Variants in AGTPBP1 observed in about 807,000 individuals in gnomAD.
The protein encoded by AGTPBP1 is ATP/GTP binding carboxypeptidase 1.
Under a neutral mutation model 143.9 loss-of-function variants are expected in AGTPBP1, and 70 were observed. The observed-to-expected ratio is 0.49, with a 90% CI of 0.40 to 0.59. The LOEUF (loss-of-function observed/expected upper bound fraction) is 0.59, where lower values mean the gene tolerates loss of function less well. Among genes scored for constraint, AGTPBP1 ranks in the 20% least tolerant of loss-of-function variants. AGTPBP1 has a pLI of 0.00. For missense variants in AGTPBP1, 1,229 were observed against 1,464.5 expected, an observed-to-expected ratio of 0.84 and a Z score of 2.62; for synonymous variants, 463 against 500.2, an observed-to-expected ratio of 0.93 and a Z score of 0.99.
the AGTPBP1 span, among the ~76,000 whole-genome samples, chr9:85,747,332 T>G: frequency 6.6e-6 from 1 of 152,210 alleles, no homozygotes; most frequent in Non-Finnish European, 1.5e-5. Flanking sequence ...GCTCTTCTTT[T>G]TCAAGATGAT....
intron 6 of AGTPBP1, among the ~76,000 whole-genome samples, chr9:85,676,468 G>A (rs1453751571): frequency 1.3e-5 from 2 of 151,634 alleles, no homozygotes; most frequent in East Asian, 1.9e-4. Flanking sequence ...ATTACTAATC[G>A]TTAGGGAAAT....
chr9:85,709,803 G>A (rs1304196152), intron 2 of AGTPBP1, among the ~76,000 whole-genome samples: 1 of 152,014 alleles, frequency 6.6e-6, no homozygotes, highest in Admixed American at 6.6e-5. Flanking sequence ...AAGATTTAGG[G>A]CATGACCATA....
At chr9:85,673,440 T>C (rs2134088767) in intron 6 of AGTPBP1, among the ~76,000 whole-genome samples, 1 of 152,206 alleles carries the variant, frequency 6.6e-6, no homozygotes, top group South Asian at 2.1e-4. Context: ...TGTAAAAAAA[T>C]AAAAATTCAT....
chr9:85,615,527 TTTACAAA>T (rs1830556910), intron 17 of AGTPBP1, among the ~76,000 whole-genome samples: 1 of 152,102 alleles, frequency 6.6e-6, no homozygotes, highest in South Asian at 2.1e-4. Flanking sequence ...GGAAAGTTTT[TTTACAAA>T]TTATTGTACA....
the AGTPBP1 span, among the ~76,000 whole-genome samples, chr9:85,801,569 GTT>G: frequency 6.6e-6 from 1 of 152,010 alleles, no homozygotes; most frequent in African/African-American, 2.4e-5. Context: ...TCTATGACAA[GTT>G]TTAAAGCACT....
intron 3 of AGTPBP1, among the ~76,000 whole-genome samples, chr9:85,685,638 T>C (rs1471983072): frequency 1.3e-5 from 2 of 152,004 alleles, no homozygotes; most frequent in Non-Finnish European, 2.9e-5. Context: ...CAAAATTCTG[T>C]AGGCTAAAGA....
At chr9:85,741,982 G>A, upstream of AGTPBP1, 1 of 1,226,688 alleles carries the variant, frequency 8.2e-7, no homozygotes, top group South Asian at 3.7e-5. Context: ...CGTCAGCGCG[G>A]CGCCCCGCCC....
At chr9:85,609,945 A>G (rs983761637) in intron 17 of AGTPBP1, among the ~76,000 whole-genome samples, 1 of 152,202 alleles carries the variant, frequency 6.6e-6, no homozygotes, top group Non-Finnish European at 1.5e-5. Flanking sequence ...GAGAAGAAGG[A>G]AATGTAGGAA....
chr9:85,587,301 T>A (rs1313191336), intron 21 of AGTPBP1, among the ~76,000 whole-genome samples: 11 of 152,216 alleles, frequency 7.2e-5, no homozygotes, highest in Non-Finnish European at 1.5e-5. Flanking sequence ...TTTTCCATTC[T>A]GATTACATAA....
chr9:85,790,580 T>C, the AGTPBP1 span, among the ~76,000 whole-genome samples: 1 of 152,214 alleles, frequency 6.6e-6, no homozygotes, highest in Non-Finnish European at 1.5e-5. Flanking sequence ...AAAAAGTTGA[T>C]GTTATAATGA....
the AGTPBP1 span, among the ~76,000 whole-genome samples, chr9:85,759,968 C>T: frequency 6.6e-6 from 1 of 152,062 alleles, no homozygotes; most frequent in African/African-American, 2.4e-5. Flanking sequence ...ATACAAACTA[C>T]CATCAGAGAA....
upstream of AGTPBP1, chr9:85,742,032 A>G: frequency 5.9e-6 from 7 of 1,193,672 alleles, no homozygotes; most frequent in African/African-American, 1.6e-5. Context: ...ACGCGCAGGG[A>G]GTGGGGGCGG....
chr9:85,645,778 A>G (rs1050963546), intron 12 of AGTPBP1, among the ~76,000 whole-genome samples: 1 of 152,172 alleles, frequency 6.6e-6, no homozygotes, highest in Non-Finnish European at 1.5e-5. Flanking sequence ...AGGCTTCCAG[A>G]GGTACAATGA....
In AGTPBP1 at chr9:85,547,299, C is replaced by G. The variant is rs1221909788; in HGVS notation, c.3504-13G>C. 6.2e-7 allele frequency: 1 copy of G among 1,601,372 alleles called. No individual in the cohort carries two copies. The highest frequency in any genetic ancestry group is 8.5e-7 in the Non-Finnish European group (1 of 1,174,506). ...ATAAGTGGTAGGGCTGCAGCCAAAA[C>G]ACACAGAACATACAAGACTTTGTGA... On this transcript the variant is annotated splice_polypyrimidine_tract_variant and intron_variant, in intron 25 of 25. Coordinates refer to ENST00000357081, the MANE Select transcript of AGTPBP1 (RefSeq NM_001330701.2).
intron 2 of AGTPBP1, among the ~76,000 whole-genome samples, chr9:85,694,071 A>G (rs77733645): frequency 6.8e-6 from 1 of 146,800 alleles, no homozygotes; most frequent in Admixed American, 6.8e-5. Flanking sequence ...GAGAACAGAG[A>G]AAAATAGCAG....
the AGTPBP1 span, among the ~76,000 whole-genome samples, chr9:85,783,638 T>C: frequency 1.3e-5 from 2 of 152,108 alleles, no homozygotes; most frequent in Non-Finnish European, 2.9e-5. Context: ...TTTTTTTTGT[T>C]TGTTTTTTGT....
intron 22 of AGTPBP1, among the ~76,000 whole-genome samples, chr9:85,586,436 T>C (rs541107071): frequency 3.9e-5 from 6 of 152,224 alleles, no homozygotes; most frequent in African/African-American, 1.4e-4. Context: ...CAAAAGCTGG[T>C]GAGAACAGAA....
chr9:85,703,136 T>C (rs1836777358), intron 2 of AGTPBP1, among the ~76,000 whole-genome samples: 1 of 152,220 alleles, frequency 6.6e-6, no homozygotes, highest in Admixed American at 6.5e-5. Context: ...AGCCTTTACA[T>C]GTATTGCTGA....
At chr9:85,711,986 G>A (rs546713101) in intron 2 of AGTPBP1, among the ~76,000 whole-genome samples, 30 of 152,202 alleles carry the variant, frequency 2.0e-4, no homozygotes, top group Non-Finnish European at 2.8e-4. Context: ...AAAACCGGCC[G>A]GGCATGGAGG....
Sources: allele counts gnomAD v4.1 joint callset (sites outside exome capture counted in the v4.1 genomes callset), GRCh38; gene constraint gnomAD v4.1.1; transcripts MANE v1.5; gene names NCBI Gene and HGNC (gene_info 2026-07-23, HGNC 2026-07-21).